LPP: variants seen among roughly 807,000 people sequenced by gnomAD.
LPP encodes LIM domain containing preferred translocation partner in lipoma, also known as lipoma-preferred partner.
LPP carries 38 observed loss-of-function variants against 60.4 expected under a neutral mutation model. The observed-to-expected ratio is 0.63, with a 90% CI of 0.49 to 0.83. The LOEUF (loss-of-function observed/expected upper bound fraction) is 0.83. Ranked by LOEUF, LPP falls within the 40% of genes least tolerant of loss-of-function variation. The pLI, the probability that LPP is intolerant of heterozygous loss-of-function variation, is 0.00. For missense variants in LPP, 902 were observed against 783.6 expected (o/e 1.15, Z -1.80); for synonymous variants, 328 against 290.8 (o/e 1.13, Z -1.30).
At chr3:188,536,305 G>A (rs555908234) in intron 6 of LPP, among the ~76,000 whole-genome samples, 8 of 138,354 alleles carry the variant, frequency 5.8e-5, no homozygotes, top group East Asian at 2.9e-4. Flanking sequence ...CACTGCACCC[G>A]GCCATATTAC....
At chr3:188,847,087 G>T (rs550848439) in intron 9 of LPP, among the ~76,000 whole-genome samples, 1 of 152,112 alleles carries the variant, frequency 6.6e-6, no homozygotes, top group African/African-American at 2.4e-5. Flanking sequence ...CTAGATTTTC[G>T]AGCTTCTATT....
intron 5 of LPP, among the ~76,000 whole-genome samples, chr3:188,504,242 T>G (rs1156281927): frequency 6.6e-6 from 1 of 152,184 alleles, no homozygotes; most frequent in East Asian, 1.9e-4. Flanking sequence ...CTAGTGAATT[T>G]TTTATTTCAG....
Position 188,638,375 on chromosome 3 carries a change from A to C in LPP, c.1113+28531A>C, listed in dbSNP as rs1476427109. On this transcript the variant is annotated intron_variant, in intron 7 of 11. Coordinates refer to ENST00000617246, the MANE Select transcript of LPP (RefSeq NM_001375462.1). ...TGATGGGATGTATTTCAAAATAATA[A>C]GAGCTATCTATGACAAACCCACAGC... 6.1e-5 allele frequency among the ~76,000 whole-genome samples: 9 copies of C among 147,592 alleles called. No individual in the cohort carries two copies. In the South Asian group the frequency reaches 1.5e-3, roughly 25 times the overall value.
chr3:188,353,182 C>G (rs917105829), intron 3 of LPP, among the ~76,000 whole-genome samples: 24 of 152,106 alleles, frequency 1.6e-4, no homozygotes, highest in African/African-American at 5.6e-4. Flanking sequence ...TTACAGGGTC[C>G]TCGGGAGCAG....
intron 1 of LPP, among the ~76,000 whole-genome samples, chr3:188,192,260 G>A (rs187058889): frequency 6.6e-6 from 1 of 152,140 alleles, no homozygotes; most frequent in Non-Finnish European, 1.5e-5. Flanking sequence ...TAGGAGTTTG[G>A]TAAAGAACTT....
chr3:188,362,320 C>G (rs1373292713), intron 3 of LPP, among the ~76,000 whole-genome samples: 5 of 152,178 alleles, frequency 3.3e-5, no homozygotes, highest in African/African-American at 1.2e-4. Context: ...AGATTCTATG[C>G]TAATATCCTG....
chr3:188,700,431 T>C (rs1355260217), intron 7 of LPP, among the ~76,000 whole-genome samples: 1 of 152,158 alleles, frequency 6.6e-6, no homozygotes, highest in Non-Finnish European at 1.5e-5. Flanking sequence ...CAGGTTAAAG[T>C]AGGTAAATTG....
At chr3:188,708,132 T>C in intron 7 of LPP, 135 bp from the exon 8 acceptor site, 1 of 901,356 alleles carries the variant, frequency 1.1e-6, no homozygotes, top group Non-Finnish European at 1.7e-6. Flanking sequence ...ATAAAACTAA[T>C]TCTAAAACCC....
At chr3:188,275,375 A>G (rs1002012621) in intron 2 of LPP, among the ~76,000 whole-genome samples, 1 of 152,132 alleles carries the variant, frequency 6.6e-6, no homozygotes, top group African/African-American at 2.4e-5. Context: ...TTTATTTACA[A>G]ATGAGGTCTC....
intron 1 of LPP, among the ~76,000 whole-genome samples, chr3:188,196,654 T>A (rs1729623235): frequency 6.6e-6 from 1 of 152,222 alleles, no homozygotes; most frequent in Non-Finnish European, 1.5e-5. Context: ...TCATGCTATG[T>A]CCCTGTTTTT....
At chr3:188,529,899 C>G (rs1278905594) in intron 6 of LPP, among the ~76,000 whole-genome samples, 1 of 152,144 alleles carries the variant, frequency 6.6e-6, no homozygotes, top group Non-Finnish European at 1.5e-5. Flanking sequence ...ACGTAAATCA[C>G]CACGTGTCAA....
intron 8 of LPP, among the ~76,000 whole-genome samples, chr3:188,733,822 T>C (rs947671042): frequency 3.3e-4 from 50 of 152,236 alleles, no homozygotes; most frequent in African/African-American, 1.2e-3. Flanking sequence ...TGGCTGTTTA[T>C]ATTTTGCTAG....
At chr3:188,310,674 A>G (rs903384537) in intron 2 of LPP, among the ~76,000 whole-genome samples, 1 of 152,102 alleles carries the variant, frequency 6.6e-6, no homozygotes, top group Non-Finnish European at 1.5e-5. Flanking sequence ...TTTAAAATTC[A>G]TTTTCTGGAC....
chr3:188,288,929 G>A (rs1477893561), intron 2 of LPP, among the ~76,000 whole-genome samples: 2 of 150,410 alleles, frequency 1.3e-5, no homozygotes, highest in African/African-American at 4.9e-5. Flanking sequence ...ATAAGTTTTT[G>A]TAGGGAAGAT....
chr3:188,214,180 G>A (rs1340865379), intron 1 of LPP, among the ~76,000 whole-genome samples: 1 of 151,938 alleles, frequency 6.6e-6, no homozygotes, highest in South Asian at 2.1e-4. Flanking sequence ...AGGCTGGCTG[G>A]AGTGCAATGG....
At chr3:188,175,642 G>C (rs1172499722) in intron 1 of LPP, among the ~76,000 whole-genome samples, 1 of 152,102 alleles carries the variant, frequency 6.6e-6, no homozygotes, top group African/African-American at 2.4e-5. Flanking sequence ...AGTATTTCTG[G>C]TGTAGAATGC....
chr3:188,881,139 C>CAAAAAAAAGAAAAAAAAAAA lies in LPP; in HGVS notation c.*6668_*6669insGAAAAAAAAAAAAAAAAAAA, dbSNP rs1769952780. 1.4e-5 allele frequency: 1 copy of CAAAAAAAAGAAAAAAAAAAA among 72,388 alleles called. No homozygotes were observed. Among genetic ancestry groups the CAAAAAAAAGAAAAAAAAAAA allele is most frequent in the African/African-American group, 4.4e-5 (1 of 22,700 alleles). 4.5% of individuals were successfully genotyped at this position (72,388 alleles called of 1,614,324 possible). Reference sequence around the variant, plus strand: ...TGGGCGAAAGAGCGAGACTCCGTCTCAAAAAAAAAAAAAAAAAAATAGGAT... The same window carrying CAAAAAAAAGAAAAAAAAAAA: ...TGGGCGAAAGAGCGAGACTCCGTCTCAAAAAAAAGAAAAAAAAAAAAAAAAAAAAAAAAAAAAAATAGGAT... On this transcript the variant is annotated 3_prime_UTR_variant, in exon 12 of 12. Transcript: ENST00000617246.
At chr3:188,809,225 T>C (rs1400273737) in intron 9 of LPP, among the ~76,000 whole-genome samples, 1 of 152,218 alleles carries the variant, frequency 6.6e-6, no homozygotes, top group African/African-American at 2.4e-5. Flanking sequence ...GATCAAATGG[T>C]ATTTCTGGTT....
chr3:188,809,792 T>C (rs181253818), intron 9 of LPP, among the ~76,000 whole-genome samples: 31 of 152,346 alleles, frequency 2.0e-4, no homozygotes, highest in Admixed American at 1.3e-3. Context: ...TAAGTTTTCT[T>C]CTAGGGCTTT....
Sources: gnomAD v4.1 joint callset for allele counts (sites outside exome capture counted in the v4.1 genomes callset) on GRCh38, gnomAD v4.1.1 for gene constraint, MANE v1.5 for transcripts, NCBI Gene and HGNC (gene_info 2026-07-23, HGNC 2026-07-21) for gene names.